DOCK4: variants seen among roughly 807,000 people sequenced by gnomAD.
The protein encoded by DOCK4 is dedicator of cytokinesis protein 4.
DOCK4 carries 97 observed loss-of-function variants against 268.1 expected under a neutral mutation model. That is an observed-to-expected ratio of 0.36 (90% CI 0.31 to 0.43). The LOEUF (loss-of-function observed/expected upper bound fraction) is 0.43. Among genes scored for constraint, DOCK4 ranks in the 20% least tolerant of loss-of-function variants. The pLI is 1.00. For missense variants in DOCK4, 2,145 were observed against 2,455.7 expected (o/e 0.87, Z 2.67); for synonymous variants, 954 against 887.2 (o/e 1.08, Z -1.34).
intron 1 of DOCK4, among the ~76,000 whole-genome samples, chr7:112,090,407 A>G (rs1011801942): frequency 2.0e-5 from 3 of 152,216 alleles, no homozygotes; most frequent in African/African-American, 7.2e-5. Flanking sequence ...AGTAAAAACT[A>G]TATGAAAGCT....
At chr7:111,901,543 G>T in intron 14 of DOCK4, 134 bp downstream of exon 14, 2 of 916,984 alleles carry the variant, frequency 2.2e-6, no homozygotes, top group Non-Finnish European at 3.1e-6. Context: ...GGGTGAAGGA[G>T]AAAAATAAGA....
At chr7:111,875,559 T>C (rs1482375735) in intron 17 of DOCK4, among the ~76,000 whole-genome samples, 1 of 152,196 alleles carries the variant, frequency 6.6e-6, no homozygotes, top group African/African-American at 2.4e-5. Context: ...GATCTTAAAA[T>C]AGGGAGATTA....
chr7:112,164,510 C>G (rs1053255060), intron 1 of DOCK4, among the ~76,000 whole-genome samples: 1 of 152,138 alleles, frequency 6.6e-6, no homozygotes, highest in African/African-American at 2.4e-5. Flanking sequence ...ATTACTTACT[C>G]TGTGCCAGGA....
At chr7:111,939,611 G>A (rs765646758) in intron 11 of DOCK4, among the ~76,000 whole-genome samples, 12 of 151,792 alleles carry the variant, frequency 7.9e-5, no homozygotes, top group African/African-American at 9.7e-5. Flanking sequence ...CAAGGTCATC[G>A]CCGAGATAGG....
At chr7:111,874,366 G>A (rs1416494904) in intron 17 of DOCK4, among the ~76,000 whole-genome samples, 1 of 152,104 alleles carries the variant, frequency 6.6e-6, no homozygotes, top group African/African-American at 2.4e-5. Context: ...TGGAGAATGA[G>A]GACTAGGGCC....
intron 8 of DOCK4, among the ~76,000 whole-genome samples, chr7:111,959,056 A>G (rs6960241): frequency 0.33 from 50,638 of 152,040 alleles, 11,779 homozygotes; most frequent in African/African-American, 0.67. Context: ...ACCTGCTGGA[A>G]CAATCAAATG....
intron 22 of DOCK4, among the ~76,000 whole-genome samples, chr7:111,865,953 T>C (rs140376407): frequency 3.9e-4 from 60 of 152,342 alleles, no homozygotes; most frequent in African/African-American, 1.4e-3. Flanking sequence ...CATTAAAAGA[T>C]CATGAAAGCA....
chr7:111,734,506 G>C (rs969864249), intron 51 of DOCK4, among the ~76,000 whole-genome samples: 3 of 152,166 alleles, frequency 2.0e-5, no homozygotes, highest in East Asian at 3.8e-4. Context: ...CTGCTTAAAC[G>C]ACCACCTGAG....
chr7:111,750,524 G>A (rs998969817), intron 42 of DOCK4, among the ~76,000 whole-genome samples: 39 of 152,180 alleles, frequency 2.6e-4, no homozygotes, highest in African/African-American at 9.4e-4. Context: ...GCTTCTGAAT[G>A]AGGAACCCTG....
At chr7:111,879,337 C>A (rs747162818) in intron 16 of DOCK4, among the ~76,000 whole-genome samples, 2 of 152,120 alleles carry the variant, frequency 1.3e-5, no homozygotes, top group Non-Finnish European at 2.9e-5. Flanking sequence ...AGGGAGTATG[C>A]TGCAGGGCTT....
In DOCK4 at chr7:111,767,117, C is replaced by A; in HGVS notation, c.3830G>T (p.Cys1277Phe). The change falls in exon 38 of 53, where the codon TGT becomes TTT. Residue 1277 changes from cysteine (C) to phenylalanine (F), a missense_variant and splice_region_variant. Physicochemically the swap from Cys to Phe is radical, Grantham distance 205 (BLOSUM62 -2). Around this residue, in one of 2 missense-constraint regions of DOCK4, gnomAD observed 1,598 missense variants for 1,986.7 expected, o/e 0.80. Transcript: ENST00000428084. The part of the protein sequence containing the change: ...TIIQNFDRGK[C>F]WENGIILCRK... ...GCACAAGATAATGCCATTCTCCCAACACTGTGGACAAATGAATGAGATCAA... is the reference window on the plus strand; with the variant it reads ...GCACAAGATAATGCCATTCTCCCAAAACTGTGGACAAATGAATGAGATCAA... 1 of 1,612,734 alleles carries A rather than the reference C, an allele frequency of 6.2e-7. No individual in the cohort carries two copies. The highest frequency in any genetic ancestry group is 8.5e-7 in the Non-Finnish European group (1 of 1,179,216).
chr7:112,114,416 T>G (rs1811940081), intron 1 of DOCK4, among the ~76,000 whole-genome samples: 1 of 152,258 alleles, frequency 6.6e-6, no homozygotes, highest in African/African-American at 2.4e-5. Context: ...CAATAAATGT[T>G]GTCAACTGTT....
At chr7:112,100,834 T>C (rs1212017104) in intron 1 of DOCK4, among the ~76,000 whole-genome samples, 1 of 152,100 alleles carries the variant, frequency 6.6e-6, no homozygotes, top group Non-Finnish European at 1.5e-5. Context: ...TACATAGAGA[T>C]AGAGATACAG....
rs142703789 is a variant in DOCK4 at position 111,830,202 on chromosome 7, C to T, written c.2835+4386G>A. 3.0e-3 allele frequency among the ~76,000 whole-genome samples: 455 copies of T among 152,088 alleles called. 5 individuals carry two copies. Among genetic ancestry groups the T allele is most frequent in the South Asian group, 0.022 (105 of 4,818 alleles). On this transcript the variant is annotated intron_variant, in intron 26 of 52. Coordinates refer to ENST00000428084, the MANE Select transcript of DOCK4 (RefSeq NM_001363540.2). Reference sequence around the variant, plus strand: ...AGATGACTAGGGAGGCTGAGGTGGACGGATCACAAGGTCAGGAGATCGAGA... The same window carrying T: ...AGATGACTAGGGAGGCTGAGGTGGATGGATCACAAGGTCAGGAGATCGAGA...
chr7:111,826,718 G>A (rs1221147227), intron 26 of DOCK4, among the ~76,000 whole-genome samples: 2 of 151,868 alleles, frequency 1.3e-5, no homozygotes, highest in Admixed American at 6.6e-5. Flanking sequence ...CAGACATGGG[G>A]GATTACAAAA....
chr7:111,954,849 G>T (rs540982479), intron 8 of DOCK4, among the ~76,000 whole-genome samples: 3 of 151,974 alleles, frequency 2.0e-5, no homozygotes, highest in African/African-American at 7.3e-5. Context: ...GGTTCGAACC[G>T]ATACAAAGAG....
chr7:111,935,314 T>C (rs1258753246), intron 12 of DOCK4: 1 of 568,186 alleles, frequency 1.8e-6, no homozygotes, highest in Non-Finnish European at 3.2e-6. Context: ...ATTCAGATTA[T>C]CTTTTTCGTT....
Position 111,826,969 on chromosome 7 carries a change from T to C in DOCK4, c.2836-4513A>G, listed in dbSNP as rs933547001. 1.8e-4 allele frequency among the ~76,000 whole-genome samples: 28 copies of C among 152,050 alleles called. 1 individual carries two copies. Among genetic ancestry groups the C allele is most frequent in the African/African-American group, 6.8e-4 (28 of 41,472 alleles). ...ACAGAATTGGCAAGACACAGAGAAA[T>C]GAATCCTGAGTTCATGAAACATGAG... is the stretch of plus-strand genomic sequence containing the variant. On this transcript the variant is annotated intron_variant, in intron 26 of 52. Transcript: ENST00000428084.
At chr7:111,809,520 A>C in intron 28 of DOCK4, 119 bp from the exon 29 acceptor site, 1 of 744,730 alleles carries the variant, frequency 1.3e-6, no homozygotes, top group South Asian at 1.7e-5. Flanking sequence ...AGTAAGACTG[A>C]CCATGAGTTG....
Sources: allele counts gnomAD v4.1 joint callset (sites outside exome capture counted in the v4.1 genomes callset), GRCh38; gene constraint gnomAD v4.1.1; regional missense constraint gnomAD v4.1.1; transcripts MANE v1.5; gene names NCBI Gene and HGNC (gene_info 2026-07-23, HGNC 2026-07-21).